SOX6: variants seen among roughly 807,000 people sequenced by gnomAD.
SOX6 encodes the protein transcription factor SOX-6.
A neutral mutation model predicts 97.8 loss-of-function variants in SOX6; 11 were observed. That is an observed-to-expected ratio of 0.11 (90% CI 0.07 to 0.19). The LOEUF (loss-of-function observed/expected upper bound fraction) is 0.19, where lower values mean the gene tolerates loss of function less well. Among genes scored for constraint, SOX6 ranks in the 10% least tolerant of loss-of-function variants. The pLI is 1.00. For synonymous variants in SOX6, 360 were observed against 371.4 expected (o/e 0.97, Z 0.35); for missense variants, 810 against 1,039.5 (o/e 0.78, Z 3.04).
chr11:16,717,620 T>C (rs888911666), intron 2 of SOX6, among the ~76,000 whole-genome samples: 3 of 152,230 alleles, frequency 2.0e-5, no homozygotes, highest in South Asian at 4.1e-4. Context: ...AAAACAGATA[T>C]AGAACATTTG....
At chr11:16,484,757 T>A in intron 4 of SOX6, 2 of 424,572 alleles carry the variant, frequency 4.7e-6, no homozygotes, top group Non-Finnish European at 8.6e-6. Flanking sequence ...ATAAGTTGCA[T>A]CATCAAATAG....
chr11:16,622,689 C>A (rs1018758019), intron 3 of SOX6, among the ~76,000 whole-genome samples: 5 of 152,164 alleles, frequency 3.3e-5, no homozygotes, highest in African/African-American at 1.2e-4. Context: ...TGGGCTGGTA[C>A]CATATTTTTG....
intron 3 of SOX6, among the ~76,000 whole-genome samples, chr11:16,673,918 G>A (rs534306693): frequency 2.6e-5 from 4 of 152,172 alleles, no homozygotes; most frequent in East Asian, 3.9e-4. Flanking sequence ...GGCTGGGCGT[G>A]GTGGCTCATG....
chr11:16,715,065 T>C (rs1848210306), intron 2 of SOX6, among the ~76,000 whole-genome samples: 1 of 152,216 alleles, frequency 6.6e-6, no homozygotes, highest in South Asian at 2.1e-4. Context: ...GTTTACCTTG[T>C]ACAGCATGGG....
At chr11:16,373,785 C>T (rs968795933) in intron 1 of SOX6, among the ~76,000 whole-genome samples, 2 of 138,086 alleles carry the variant, frequency 1.4e-5, no homozygotes, top group African/African-American at 5.4e-5. Context: ...CATAACCATG[C>T]TGAAATGAAA....
chr11:16,183,847 T>C (rs537132342), intron 6 of SOX6, 39 bp downstream of exon 6: 1 of 1,584,502 alleles, frequency 6.3e-7, no homozygotes, highest in Admixed American at 1.7e-5. Flanking sequence ...GAGGAAAGTA[T>C]CTAAGTATAA....
At chr11:16,570,018 G>A (rs1476301219) in intron 4 of SOX6, among the ~76,000 whole-genome samples, 2 of 151,910 alleles carry the variant, frequency 1.3e-5, no homozygotes, top group East Asian at 3.9e-4. Flanking sequence ...TGCAAACATA[G>A]CAAAGACAAA....
intron 1 of SOX6, among the ~76,000 whole-genome samples, chr11:16,396,137 T>C (rs1358681802): frequency 5.3e-5 from 8 of 151,740 alleles, no homozygotes; most frequent in Admixed American, 2.6e-4. Context: ...AATTAGCTTA[T>C]CTTTTGTTTT....
upstream of SOX6, among the ~76,000 whole-genome samples, chr11:16,358,812 T>C (rs1857132595): frequency 6.6e-6 from 1 of 152,172 alleles, no homozygotes. Flanking sequence ...TGAAATTTTA[T>C]TAGCCTATGA....
intron 1 of SOX6, among the ~76,000 whole-genome samples, chr11:16,472,960 T>C (rs1860166037): frequency 6.6e-6 from 1 of 152,200 alleles, no homozygotes; most frequent in South Asian, 2.1e-4. Flanking sequence ...TACACATATA[T>C]TTTAAATGCA....
At chr11:16,427,388 G>C (rs1859166429) in intron 1 of SOX6, among the ~76,000 whole-genome samples, 1 of 149,480 alleles carries the variant, frequency 6.7e-6, no homozygotes, top group Non-Finnish European at 1.5e-5. Flanking sequence ...GTGCAGGTTT[G>C]TTACATATGT....
chr11:16,243,551 G>T (rs920250992), intron 3 of SOX6, among the ~76,000 whole-genome samples: 2 of 150,946 alleles, frequency 1.3e-5, no homozygotes, highest in African/African-American at 4.9e-5. Flanking sequence ...AATAAAATGC[G>T]CCCATTTAAA....
At chr11:16,051,062 A>G (rs1204793625) in intron 10 of SOX6, among the ~76,000 whole-genome samples, 1 of 152,010 alleles carries the variant, frequency 6.6e-6, no homozygotes, top group East Asian at 1.9e-4. Flanking sequence ...GTCTGATACT[A>G]GATGATCTCT....
chr11:16,574,932 C>T (rs897346364), intron 4 of SOX6, among the ~76,000 whole-genome samples: 4 of 151,594 alleles, frequency 2.6e-5, no homozygotes, highest in African/African-American at 4.8e-5. Flanking sequence ...CTCAGCCACT[C>T]AGGAGGCTGA....
intron 4 of SOX6, among the ~76,000 whole-genome samples, chr11:16,565,095 AC>A (rs1257186424): frequency 6.6e-6 from 1 of 152,192 alleles, no homozygotes; most frequent in Non-Finnish European, 1.5e-5. Flanking sequence ...AACACAAATT[AC>A]CAATATTAGT....
chr11:16,615,907 C>G (rs918485208), intron 3 of SOX6, among the ~76,000 whole-genome samples: 4 of 151,982 alleles, frequency 2.6e-5, no homozygotes, highest in Admixed American at 6.6e-5. Context: ...AATAATTACA[C>G]AAGTAAGTAT....
intron 3 of SOX6, among the ~76,000 whole-genome samples, chr11:16,298,765 T>A (rs1490188222): frequency 6.6e-6 from 1 of 152,124 alleles, no homozygotes; most frequent in African/African-American, 2.4e-5. Context: ...TATGTTCTTA[T>A]TATTCGTTTT....
Position 16,661,211 on chromosome 11 carries a change from C to G in SOX6, n.430-48951G>C, listed in dbSNP as rs532825435. Among the ~76,000 whole-genome samples the G allele has an allele frequency of 8.5e-5, 13 of 152,226 alleles. No individual in the cohort carries two copies. The South Asian group carries it at 2.5e-3, about 29-fold the overall frequency. ...TATCATGTCATGTTCTTCTTTATTC[C>G]TGATAGTTTTTCTTGTTCTGAAGTC... On this transcript the variant is annotated intron_variant and non_coding_transcript_variant, in intron 3 of 5. Coordinates refer to the SOX6 transcript ENST00000524520.
Position 16,132,451 on chromosome 11 carries a change from AGAAAGAAAG to A in SOX6, c.778-20537_778-20529del, listed in dbSNP as rs1564972697. On this transcript the variant is annotated intron_variant, in intron 6 of 15. Transcript: ENST00000683767. Reference sequence around the variant, plus strand: ...AAAGAAAGAAAGAAAGAAAAAAGAAAGAAAGAAAGAAAGAAAGAAAGAAAGAAAGAAAGA... The same window carrying A: ...AAAGAAAGAAAGAAAGAAAAAAGAAAAAAGAAAGAAAGAAAGAAAGAAAGA... Among the ~76,000 whole-genome samples the A allele has an allele frequency of 8.7e-5, 10 of 114,302 alleles. 1 individual carries two copies. Among genetic ancestry groups the A allele is most frequent in the African/African-American group, 2.8e-4 (8 of 28,766 alleles). 75.0% of individuals were successfully genotyped at this position (114,302 alleles called of 152,430 possible).
Sources: gnomAD v4.1 joint callset for allele counts (sites outside exome capture counted in the v4.1 genomes callset) on GRCh38, gnomAD v4.1.1 for gene constraint, MANE v1.5 for transcripts, NCBI Gene and HGNC (gene_info 2026-07-23, HGNC 2026-07-21) for gene names.